Variants in RTL9 observed in about 807,000 individuals in gnomAD.
RTL9 encodes the protein retrotransposon Gag-like protein 9.
Under a neutral mutation model 44.7 loss-of-function variants are expected in RTL9, and 19 were observed. The ratio of observed to expected loss-of-function variants is 0.42; its 90% CI spans 0.30 to 0.62. The LOEUF (loss-of-function observed/expected upper bound fraction) is 0.62, where lower values mean the gene tolerates loss of function less well. Among genes scored for constraint, RTL9 ranks in the 20% least tolerant of loss-of-function variants. The pLI, the probability that RTL9 is intolerant of heterozygous loss-of-function variation, is 0.16. For synonymous variants in RTL9, 407 were observed against 398.9 expected (o/e 1.02, Z -0.24); for missense variants, 1,105 against 1,080.6 (o/e 1.02, Z -0.32).
intron 1 of RTL9, among the ~76,000 whole-genome samples, chrX:110,405,310 C>T (rs1182149614): frequency 8.9e-6 from 1 of 111,732 alleles, no homozygotes; most frequent in Non-Finnish European, 1.9e-5. Context: ...AATTGGATAA[C>T]CAAGAGCTCC....
At chrX:110,450,518 ATCT>A (rs2068932606), upstream of RTL9, 1 of 741,267 alleles carries the variant, frequency 1.3e-6, no homozygotes, top group Non-Finnish European at 2.0e-6. Context: ...CTGTTTCCAA[ATCT>A]TCTTGATACT....
At chrX:110,432,229 A>G (rs2068802199) in intron 1 of RTL9, among the ~76,000 whole-genome samples, 1 of 112,228 alleles carries the variant, frequency 8.9e-6, no homozygotes, top group Non-Finnish European at 1.9e-5. Context: ...CTGCATCTGT[A>G]TCTCAGCCAG....
intron 1 of RTL9, among the ~76,000 whole-genome samples, chrX:110,393,789 AC>A (rs2068510753): frequency 8.9e-6 from 1 of 112,731 alleles, no homozygotes; most frequent in Admixed American, 9.3e-5. Context: ...TGGCGTCCTG[AC>A]CAGGGTGGTT....
chrX:110,379,574 G>T (rs898373202), intron 1 of RTL9, among the ~76,000 whole-genome samples: 8 of 111,922 alleles, frequency 7.1e-5, no homozygotes, highest in African/African-American at 2.3e-4. Context: ...AACAAGTCTG[G>T]TTTTTTCAAC....
At chrX:110,449,799 A>G, upstream of RTL9, among the ~76,000 whole-genome samples, 1 of 112,379 alleles carries the variant, frequency 8.9e-6, no homozygotes, top group Admixed American at 9.4e-5. Flanking sequence ...AATCTGAGAA[A>G]GCTTGTAAAA....
At chrX:110,428,510 G>T (rs1477549938) in intron 1 of RTL9, among the ~76,000 whole-genome samples, 1 of 111,446 alleles carries the variant, frequency 9.0e-6, no homozygotes, top group Non-Finnish European at 1.9e-5. Flanking sequence ...CATATCATCA[G>T]CCACTATTTC....
At chrX:110,432,183 C>T (rs918169768) in intron 1 of RTL9, among the ~76,000 whole-genome samples, 6 of 112,161 alleles carry the variant, frequency 5.3e-5, no homozygotes, top group Non-Finnish European at 9.4e-5. Context: ...TGCCTAGGCT[C>T]GCTCTTGCCA....
At chrX:110,379,906 A>G (rs1285541736) in intron 1 of RTL9, among the ~76,000 whole-genome samples, 1 of 111,980 alleles carries the variant, frequency 8.9e-6, no homozygotes, top group East Asian at 2.8e-4. Context: ...TATATATATC[A>G]TAAAATTTAT....
chrX:110,430,661 A>G (rs1407429525), intron 1 of RTL9, among the ~76,000 whole-genome samples: 1 of 112,444 alleles, frequency 8.9e-6, no homozygotes, highest in Non-Finnish European at 1.9e-5. Flanking sequence ...GGAAGCTGGC[A>G]TGGTCTTGTG....
At chrX:110,396,426 C>T (rs1005386317) in intron 1 of RTL9, among the ~76,000 whole-genome samples, 3 of 109,045 alleles carry the variant, frequency 2.8e-5, no homozygotes, top group Non-Finnish European at 3.8e-5. Context: ...TATACAATGA[C>T]GAAATTATTA....
intron 1 of RTL9, among the ~76,000 whole-genome samples, chrX:110,393,922 C>G (rs2068511650): frequency 8.9e-6 from 1 of 112,069 alleles, no homozygotes; most frequent in African/African-American, 3.2e-5. Context: ...AATGAAAACT[C>G]GTAAAGTACA....
exon 1 of RTL9, chrX:110,454,008 G>A: frequency 8.3e-7 from 1 of 1,211,957 alleles, no homozygotes; most frequent in Non-Finnish European, 1.1e-6. Context: ...TCCTGAAACT[G>A]CGAAACCACC....
chrX:110,409,804 AG>A (rs2068629096), intron 1 of RTL9, among the ~76,000 whole-genome samples: 3 of 111,637 alleles, frequency 2.7e-5, no homozygotes, highest in South Asian at 7.6e-4. Context: ...CAAGAAGGGC[AG>A]GGGGCAGCAC....
upstream of RTL9, among the ~76,000 whole-genome samples, chrX:110,447,070 G>GTT (rs1403109989): frequency 1.1e-5 from 1 of 94,059 alleles, no homozygotes; most frequent in Non-Finnish European, 2.1e-5. Context: ...AATAATAGTA[G>GTT]TTGTTGTGAG....
chrX:110,434,248 T>C (rs1214033486), intron 1 of RTL9, among the ~76,000 whole-genome samples: 1 of 111,769 alleles, frequency 8.9e-6, no homozygotes, highest in Non-Finnish European at 1.9e-5. Flanking sequence ...GGGTCAGCTA[T>C]TCAGAGCCCT....
At chrX:110,455,457 C>T (rs764838654) in exon 2 of RTL9, 528 of 748,488 alleles carry the variant, frequency 7.1e-4, no homozygotes, top group Non-Finnish European at 9.5e-4. Flanking sequence ...GCACATCCCA[C>T]CTTACCTCTC....
intron 1 of RTL9, among the ~76,000 whole-genome samples, chrX:110,390,092 G>A (rs2068484647): frequency 9.0e-6 from 1 of 111,296 alleles, no homozygotes; most frequent in African/African-American, 3.3e-5. Context: ...AGTTGTATGT[G>A]GGAGGATGCC....
At chrX:110,427,104 C>T (rs2068759828) in intron 1 of RTL9, among the ~76,000 whole-genome samples, 1 of 111,934 alleles carries the variant, frequency 8.9e-6, no homozygotes, top group Admixed American at 9.4e-5. Context: ...CTCTTTTCTC[C>T]ATTCCTACTG....
rs1200878257 is a variant in RTL9, at chrX:110,453,650, T to C, written c.3033T>C (p.Ser1011=). Reference sequence around the variant, plus strand: ...TGTCACAAACAACATATACCGTGTCTGGAAGGATGGCCACAGCGCCAATTA... The same window carrying C: ...TGTCACAAACAACATATACCGTGTCCGGAAGGATGGCCACAGCGCCAATTA... The change falls in exon 1 of 2, where the codon TCT becomes TCC. Residue 1011 remains serine (S), a synonymous_variant. Coordinates refer to ENST00000540313, the Ensembl canonical transcript of RTL9. 2.5e-6 allele frequency: 3 copies of C among 1,210,549 alleles called. No homozygotes were observed. The African/African-American group carries it at 5.2e-5, about 21-fold the overall frequency.
Sources: allele counts gnomAD v4.1 joint callset (sites outside exome capture counted in the v4.1 genomes callset), GRCh38; gene constraint gnomAD v4.1.1; transcripts MANE v1.5; gene names NCBI Gene and HGNC (gene_info 2026-07-23, HGNC 2026-07-21).